The following OR2S2 variants were observed in gnomAD, a reference collection of about 807,000 sequenced individuals.
OR2S2 encodes the protein olfactory receptor family 2 subfamily S member 2, also known as olfactory receptor 2S2.
For synonymous variants in OR2S2, 153 were observed against 159.3 expected, an observed-to-expected ratio of 0.96 and a Z score of 0.30; for missense variants, 365 against 389.5, an observed-to-expected ratio of 0.94 and a Z score of 0.53.
In OR2S2 at chr9:35,957,348, C is replaced by G. The variant is rs766252336; in HGVS notation, c.751G>C (p.Val251Leu). 5 of 1,614,120 alleles carry G rather than the reference C, an allele frequency of 3.1e-6. No homozygotes were observed. The highest frequency in any genetic ancestry group is 4.2e-6 in the Non-Finnish European group (5 of 1,180,016). ...ATGAAGAATAAGGTCCCGTAGAAGA[C>G]GATCACCACGGTGAGGTGGGCAGAG... The part of the protein sequence containing the change: ...TCSAHLTVVI[V>L]FYGTLFFMYG... The change falls in exon 1 of 1, where the codon GTC (valine) becomes CTC (leucine). Residue 251 changes from valine (V) to leucine (L), a missense_variant. Transcript: ENST00000341959.
rs1833568689 is a variant in OR2S2, at chr9:35,957,454, G to A, written c.645C>T (p.Ile215=). 6.2e-7 allele frequency: 1 copy of A among 1,614,180 alleles called. No homozygotes were observed. Among genetic ancestry groups the A allele is most frequent in the African/African-American group, 1.3e-5 (1 of 75,038 alleles). The change falls in exon 1 of 1, where the codon ATC becomes ATT. Residue 215 remains isoleucine (I), a synonymous_variant. Coordinates refer to ENST00000341959, the MANE Select transcript of OR2S2 (RefSeq NM_019897.2). Reference sequence around the variant, plus strand: ...TGATGATGAAGACATAGGAGAAAGAGATGAACAGAACCGGGACTCCTAGGA... The same window carrying A: ...TGATGATGAAGACATAGGAGAAAGAAATGAACAGAACCGGGACTCCTAGGA... The part of the protein sequence containing the change: ...VIFLGVPVLF[I]SFSYVFIITT...
rs2233563 is a variant in OR2S2, at chr9:35,957,731, C to A, written c.368G>T (p.Arg123Leu). Residue 123 changes from arginine to leucine, a missense_variant, in exon 1 of 1, where the codon CGC becomes CTC. Transcript: ENST00000341959. ...AAGGGGGTTGCAGATGGCCACATAG[C>A]GATCAAATGCCATCATGCTCAGGAG... Reference protein sequence around the residue: ...CLLLSMMAFDRYVAICNPLRY... With the variant: ...CLLLSMMAFDLYVAICNPLRY... The A allele has an allele frequency of 6.2e-7, 1 of 1,614,162 alleles. No individual in the cohort carries two copies. Among genetic ancestry groups the A allele is most frequent in the Non-Finnish European group, 8.5e-7 (1 of 1,180,044 alleles).
chr9:35,957,822 TG>T lies in OR2S2; in HGVS notation c.276del (p.Ile93SerfsTer24). On this transcript the variant is annotated frameshift_variant, in exon 1 of 1. Transcript: ENST00000341959. ...TGCACAGCACAGGCTGAGAAGGAGA[TG>T]GTTTCCTGGGGAGTCAAAAAGCTGT... ...VLDSFLTPQE[T>X]ISFSACAVQM... 1 of 1,614,130 alleles carries T rather than the reference TG, an allele frequency of 6.2e-7. No homozygotes were observed. The highest frequency in any genetic ancestry group is 8.5e-7 in the Non-Finnish European group (1 of 1,180,010).
In OR2S2 at chr9:35,957,988, G is replaced by C; in HGVS notation, c.111C>G (p.Leu37=). Residue 37 remains leucine (L), a synonymous_variant, in exon 1 of 1, where the codon CTC becomes CTG. Transcript: ENST00000341959. ...TFFVLILLMY[L]VILLGNGVLI... ...GGACCCCATTGCCCAGCAGGATCAC[G>C]AGGTACATCAGCAGGATGAGCACGA... 1 of 1,614,206 alleles carries C rather than the reference G, an allele frequency of 6.2e-7. No homozygotes were observed.
rs2233565 is a variant in OR2S2, at chr9:35,957,618, T to C, written c.481A>G (p.Thr161Ala). 7,705 of 1,614,220 alleles carry C rather than the reference T, an allele frequency of 4.8e-3. 219 individuals carry two copies. The African/African-American group carries it at 0.068, about 14-fold the overall frequency. ...AAGGGCAGCTGAATTGCCAAGGATG[T>C]GTGTACCACGGAAGCAGCACCACCA... ...AIGGAASVVHTSLAIQLPFCG... is the reference protein window; with the variant it reads ...AIGGAASVVHASLAIQLPFCG... Residue 161 changes from threonine to alanine, a missense_variant, in exon 1 of 1, where the codon ACA becomes GCA. Thr to Ala is a moderately conservative substitution (Grantham distance 58). Transcript: ENST00000341959.
rs1017040798 is a variant in OR2S2, at chr9:35,957,751, C to G, written c.348G>C (p.Leu116=). The change falls in exon 1 of 1, where the codon CTG becomes CTC. Residue 116 remains leucine, a synonymous_variant. Transcript: ENST00000341959. ...FAMAGTECLL[L]SMMAFDRYVA... ...CATAGCGATCAAATGCCATCATGCTCAGGAGCAAGCACTCTGTTCCTGCCA... is the reference window on the plus strand; with the variant it reads ...CATAGCGATCAAATGCCATCATGCTGAGGAGCAAGCACTCTGTTCCTGCCA... 1 of 1,614,100 alleles carries G rather than the reference C, an allele frequency of 6.2e-7. No homozygotes were observed. Among genetic ancestry groups the G allele is most frequent in the Non-Finnish European group, 8.5e-7 (1 of 1,180,044 alleles).
Position 35,958,060 on chromosome 9 carries a change from G to T in OR2S2, c.39C>A (p.Phe13Leu). The T allele has an allele frequency of 6.2e-7, 1 of 1,614,052 alleles. No homozygotes were observed. Among genetic ancestry groups the T allele is most frequent in the Non-Finnish European group, 8.5e-7 (1 of 1,179,954 alleles). Residue 13 changes from phenylalanine to leucine, a missense_variant, in exon 1 of 1, where the codon TTC becomes TTA. Coordinates refer to ENST00000341959, the MANE Select transcript of OR2S2 (RefSeq NM_019897.2). ...KANETSPVMGFVLLRLSAHPE... is the reference protein window; with the variant it reads ...KANETSPVMGLVLLRLSAHPE... Reference sequence around the variant, plus strand: ...GGTGGGCAGAGAGCCTCAGGAGAACGAACCCCATCACAGGGGAGGTCTCAT... The same window carrying T: ...GGTGGGCAGAGAGCCTCAGGAGAACTAACCCCATCACAGGGGAGGTCTCAT...
In OR2S2 at chr9:35,957,903, TC is replaced by T; in HGVS notation, c.195del (p.Asn66ThrfsTer22). 1 of 1,613,972 alleles carries T rather than the reference TC, an allele frequency of 6.2e-7. No individual in the cohort carries two copies. On this transcript the variant is annotated frameshift_variant, in exon 1 of 1. Coordinates refer to ENST00000341959, the MANE Select transcript of OR2S2 (RefSeq NM_019897.2). ...RLHTPMYFFL[G>X]NLSFLDICFT... ...AAGCAGATGTCCAGGAAGGAGAGGT[TC>T]CCTAGGAAGAAGTACATGGGCGTGT...
chr9:35,958,044 A>G lies in OR2S2; in HGVS notation c.55T>C (p.Ser19Pro). The G allele has an allele frequency of 1.9e-6, 3 of 1,614,196 alleles. No individual in the cohort carries two copies. Among genetic ancestry groups the G allele is most frequent in the Non-Finnish European group, 2.5e-6 (3 of 1,180,016 alleles). Residue 19 changes from serine (S) to proline (P), a missense_variant, in exon 1 of 1, where the codon TCT (serine) becomes CCT (proline). Coordinates refer to ENST00000341959, the MANE Select transcript of OR2S2 (RefSeq NM_019897.2). ...GTCTTTTCCAGCTCTGGGTGGGCAG[A>G]GAGCCTCAGGAGAACGAACCCCATC... ...PVMGFVLLRL[S>P]AHPELEKTFF...
In OR2S2 at chr9:35,958,042, A is replaced by C; in HGVS notation, c.57T>G (p.Ser19=). 6.2e-7 allele frequency: 1 copy of C among 1,614,228 alleles called. No individual in the cohort carries two copies. Among genetic ancestry groups the C allele is most frequent in the Non-Finnish European group, 8.5e-7 (1 of 1,180,028 alleles). The change falls in exon 1 of 1, where the codon TCT becomes TCG. Residue 19 remains serine, a synonymous_variant. Transcript: ENST00000341959. ...PVMGFVLLRL[S]AHPELEKTFF... is the part of the protein sequence containing the mutation. ...ATGTCTTTTCCAGCTCTGGGTGGGC[A>C]GAGAGCCTCAGGAGAACGAACCCCA...
At position 35,957,609 on chromosome 9, in the gene OR2S2, C is replaced by T; in HGVS notation, c.490G>A (p.Ala164Thr). The T allele has an allele frequency of 6.2e-7, 1 of 1,614,204 alleles. No individual in the cohort carries two copies. Among genetic ancestry groups the T allele is most frequent in the Non-Finnish European group, 8.5e-7 (1 of 1,180,044 alleles). The change falls in exon 1 of 1, where the codon GCA (alanine) becomes ACA (threonine). Residue 164 changes from alanine to threonine, a missense_variant. Ala to Thr is a moderately conservative substitution (Grantham distance 58). Coordinates refer to ENST00000341959, the MANE Select transcript of OR2S2 (RefSeq NM_019897.2). ...TCTCCACAGAAGGGCAGCTGAATTG[C>T]CAAGGATGTGTGTACCACGGAAGCA... ...GAASVVHTSL[A>T]IQLPFCGDNV...
rs774923458 is a variant in OR2S2 at position 35,957,152 on chromosome 9, C to G, written c.947G>C (p.Gly316Ala). The change falls in exon 1 of 1, where the codon GGC becomes GCC. Residue 316 changes from glycine to alanine, a missense_variant. Transcript: ENST00000341959. Reference sequence around the variant, plus strand: ...ACCCTTCCACCATCACTGAGTGAAGCCTTTTGGTCTCAGCAGTCTCCTCAC... The same window carrying G: ...ACCCTTCCACCATCACTGAGTGAAGGCTTTTGGTCTCAGCAGTCTCCTCAC... The part of the protein sequence containing the change: ...AAVRRLLRPK[G>A]FTQ 33 of 1,592,530 alleles carry G rather than the reference C, an allele frequency of 2.1e-5. No individual in the cohort carries two copies. The highest frequency in any genetic ancestry group is 9.4e-5 in the African/African-American group (7 of 74,322).
In OR2S2 at chr9:35,957,303, T is replaced by C. The variant is rs1265527377; in HGVS notation, c.796A>G (p.Lys266Glu). ...TCTTTGTCTGCTCCCATGGAGTCCT[T>C]AGACTTAGGCTTCCCATACATGAAG... ...LFFMYGKPKS[K>E]DSMGADKEDL... Residue 266 changes from lysine to glutamate, a missense_variant, in exon 1 of 1, where the codon AAG (lysine) becomes GAG (glutamate). Physicochemically the swap from Lys to Glu is moderately conservative, Grantham distance 56. Coordinates refer to ENST00000341959, the MANE Select transcript of OR2S2 (RefSeq NM_019897.2). 6.2e-7 allele frequency: 1 copy of C among 1,614,174 alleles called. No homozygotes were observed. The highest frequency in any genetic ancestry group is 8.5e-7 in the Non-Finnish European group (1 of 1,180,016).
rs745606100 is a variant in OR2S2, at chr9:35,957,561, A to G, written c.538T>C (p.Cys180Arg). The change falls in exon 1 of 1, where the codon TGT (cysteine) becomes CGT (arginine). Residue 180 changes from cysteine to arginine, a missense_variant. Physicochemically the swap from Cys to Arg is radical, Grantham distance 180. Coordinates refer to ENST00000341959, the MANE Select transcript of OR2S2 (RefSeq NM_019897.2). Reference protein sequence around the residue: ...CGDNVINHFTCEILAVLKLAC... With the variant: ...CGDNVINHFTREILAVLKLAC... ...AACTTTAGAACAGCCAGAATCTCACAGGTGAAGTGGTTGATGACATTGTCT... is the reference window on the plus strand; with the variant it reads ...AACTTTAGAACAGCCAGAATCTCACGGGTGAAGTGGTTGATGACATTGTCT... 6.2e-7 allele frequency: 1 copy of G among 1,614,208 alleles called. No homozygotes were observed.
In OR2S2 at chr9:35,957,912, A is replaced by G; in HGVS notation, c.187T>C (p.Phe63Leu). 1 of 1,614,188 alleles carries G rather than the reference A, an allele frequency of 6.2e-7. No homozygotes were observed. The highest frequency in any genetic ancestry group is 8.5e-7 in the Non-Finnish European group (1 of 1,180,012). Reference sequence around the variant, plus strand: ...TCCAGGAAGGAGAGGTTCCCTAGGAAGAAGTACATGGGCGTGTGCAGGCGG... The same window carrying G: ...TCCAGGAAGGAGAGGTTCCCTAGGAGGAAGTACATGGGCGTGTGCAGGCGG... ...DSRLHTPMYF[F>L]LGNLSFLDIC... Residue 63 changes from phenylalanine (F) to leucine (L), a missense_variant, in exon 1 of 1, where the codon TTC becomes CTC. Transcript: ENST00000341959.
At position 35,957,728 on chromosome 9, in the gene OR2S2, T is replaced by G; in HGVS notation, c.371A>C (p.Tyr124Ser). 6.2e-7 allele frequency: 1 copy of G among 1,614,182 alleles called. No homozygotes were observed. Among genetic ancestry groups the G allele is most frequent in the Non-Finnish European group, 8.5e-7 (1 of 1,180,026 alleles). The change falls in exon 1 of 1, where the codon TAT becomes TCT. Residue 124 changes from tyrosine (Y) to serine (S), a missense_variant. Transcript: ENST00000341959. ...CCTAAGGGGGTTGCAGATGGCCACATAGCGATCAAATGCCATCATGCTCAG... is the reference window on the plus strand; with the variant it reads ...CCTAAGGGGGTTGCAGATGGCCACAGAGCGATCAAATGCCATCATGCTCAG... ...LLLSMMAFDR[Y>S]VAICNPLRYS... is the part of the protein sequence containing the mutation.
Position 35,957,726 on chromosome 9 carries a change from C to G in OR2S2, c.373G>C (p.Val125Leu), listed in dbSNP as rs768090069. 2.5e-6 allele frequency: 4 copies of G among 1,614,216 alleles called. No homozygotes were observed. Among genetic ancestry groups the G allele is most frequent in the East Asian group, 4.5e-5 (2 of 44,886 alleles). ...TACCTAAGGGGGTTGCAGATGGCCA[C>G]ATAGCGATCAAATGCCATCATGCTC... The part of the protein sequence containing the change: ...LLSMMAFDRY[V>L]AICNPLRYSV... Residue 125 changes from valine to leucine, a missense_variant, in exon 1 of 1, where the codon GTG becomes CTG. Physicochemically the swap from Val to Leu is conservative, Grantham distance 32. Coordinates refer to ENST00000341959, the MANE Select transcript of OR2S2 (RefSeq NM_019897.2).
Position 35,957,978 on chromosome 9 carries a change from G to GCC in OR2S2, c.120_121insGG (p.Leu41GlyfsTer10). On this transcript the variant is annotated frameshift_variant, in exon 1 of 1. Transcript: ENST00000341959. ...ACCAGGATGAGGACCCCATTGCCCAGCAGGATCACGAGGTACATCAGCAGG... is the reference window on the plus strand; with the variant it reads ...ACCAGGATGAGGACCCCATTGCCCAGCCCAGGATCACGAGGTACATCAGCAGG... The GCC allele has an allele frequency of 1.9e-6, 3 of 1,614,230 alleles. No homozygotes were observed. The highest frequency in any genetic ancestry group is 2.5e-6 in the Non-Finnish European group (3 of 1,180,040).
Position 35,957,229 on chromosome 9 carries a change from C to T in OR2S2, c.870G>A (p.Pro290=), listed in dbSNP as rs771365231. Reference sequence around the variant, plus strand: ...GGCTATAGATGATGGGGTTGAGCATCGGGGTCACCACCCCATAGAAAAGGG... The same window carrying T: ...GGCTATAGATGATGGGGTTGAGCATTGGGGTCACCACCCCATAGAAAAGGG... The part of the protein sequence containing the change: ...LIPLFYGVVT[P]MLNPIIYSLR... The change falls in exon 1 of 1, where the codon CCG becomes CCA. Residue 290 remains proline, a synonymous_variant. Transcript: ENST00000341959. The T allele has an allele frequency of 4.3e-5, 70 of 1,614,004 alleles. No homozygotes were observed. Among genetic ancestry groups the T allele is most frequent in the Non-Finnish European group, 5.6e-5 (66 of 1,180,014 alleles).
Sources: allele counts gnomAD v4.1 joint callset, GRCh38; gene constraint gnomAD v4.1.1; transcripts MANE v1.5; gene names NCBI Gene and HGNC (gene_info 2026-07-23, HGNC 2026-07-21).